KDM4C: variants seen among roughly 807,000 people sequenced by gnomAD.
KDM4C encodes lysine-specific demethylase 4C.
Under a neutral mutation model 129.3 loss-of-function variants are expected in KDM4C, and 81 were observed. The observed-to-expected ratio is 0.63, with a 90% confidence interval of 0.52 to 0.75. KDM4C has a LOEUF of 0.75. KDM4C is among the 30% of genes least tolerant of loss of function. The pLI, the probability that KDM4C is intolerant of heterozygous loss-of-function variation, is 0.00. For synonymous variants in KDM4C, 573 were observed against 456.1 expected (o/e 1.26, Z -3.26); for missense variants, 1,457 against 1,304.0 (o/e 1.12, Z -1.81).
intron 19 of KDM4C, among the ~76,000 whole-genome samples, chr9:7,151,551 T>G (rs1043553405): frequency 9.2e-5 from 14 of 152,176 alleles, no homozygotes; most frequent in African/African-American, 3.4e-4. Context: ...GGCACGCACC[T>G]GTATTCTCAG....
intron 12 of KDM4C, among the ~76,000 whole-genome samples, chr9:6,994,648 G>A (rs1819371587): frequency 6.6e-6 from 1 of 152,140 alleles, no homozygotes; most frequent in Non-Finnish European, 1.5e-5. Flanking sequence ...AAGGCAATCA[G>A]TAATACTTGA....
At chr9:6,906,675 C>G (rs1818381701) in intron 8 of KDM4C, among the ~76,000 whole-genome samples, 1 of 152,170 alleles carries the variant, frequency 6.6e-6, no homozygotes, top group African/African-American at 2.4e-5. Flanking sequence ...CTCCTGGGCT[C>G]AAGTGATCCT....
intron 8 of KDM4C, among the ~76,000 whole-genome samples, chr9:6,969,010 C>G (rs1402315470): frequency 1.3e-5 from 2 of 152,128 alleles, no homozygotes; most frequent in East Asian, 3.9e-4. Context: ...GATATTGGCT[C>G]ACTGCAACCT....
intron 5 of KDM4C, among the ~76,000 whole-genome samples, chr9:6,858,378 A>G (rs1254715334): frequency 1.3e-5 from 2 of 152,096 alleles, no homozygotes; most frequent in East Asian, 1.9e-4. Context: ...CACCTACAAC[A>G]TTGACATCCC....
chr9:7,138,680 A>C (rs1222230142), intron 19 of KDM4C, among the ~76,000 whole-genome samples: 1 of 152,068 alleles, frequency 6.6e-6, no homozygotes, highest in East Asian at 1.9e-4. Context: ...TTAGCCAGGC[A>C]TGGTGACGTG....
intron 19 of KDM4C, among the ~76,000 whole-genome samples, chr9:7,153,494 T>C (rs966858950): frequency 6.6e-6 from 1 of 152,200 alleles, no homozygotes; most frequent in African/African-American, 2.4e-5. Context: ...CTGCCGGTCA[T>C]CTAGGACCAA....
At chr9:6,730,973 G>A (rs550036604) in intron 1 of KDM4C, among the ~76,000 whole-genome samples, 1 of 152,244 alleles carries the variant, frequency 6.6e-6, no homozygotes, top group Admixed American at 6.5e-5. Context: ...TTGACCAAAA[G>A]GACTCAAATA....
At chr9:6,791,123 T>C (rs186325976) in intron 1 of KDM4C, among the ~76,000 whole-genome samples, 1 of 152,122 alleles carries the variant, frequency 6.6e-6, no homozygotes, top group East Asian at 1.9e-4. Flanking sequence ...CAGGTGGAGT[T>C]AGTTACTTCT....
intron 12 of KDM4C, among the ~76,000 whole-genome samples, chr9:6,996,769 A>G (rs1363143878): frequency 6.6e-6 from 1 of 152,244 alleles, no homozygotes; most frequent in Non-Finnish European, 1.5e-5. Flanking sequence ...GGAAATTTAT[A>G]AGAAAATTGC....
At chr9:6,952,607 A>G (rs1438320786) in intron 8 of KDM4C, among the ~76,000 whole-genome samples, 1 of 151,694 alleles carries the variant, frequency 6.6e-6, no homozygotes, top group East Asian at 1.9e-4. Flanking sequence ...CGCCTGGCTG[A>G]TTTTTGTGTT....
intron 12 of KDM4C, among the ~76,000 whole-genome samples, chr9:6,996,556 T>A (rs1300907819): frequency 2.0e-5 from 3 of 152,228 alleles, no homozygotes; most frequent in Admixed American, 6.5e-5. Flanking sequence ...TCCCCTTGGT[T>A]AAGAGATGAG....
intron 1 of KDM4C, among the ~76,000 whole-genome samples, chr9:6,751,538 A>G (rs1037061435): frequency 6.6e-6 from 1 of 152,180 alleles, no homozygotes; most frequent in African/African-American, 2.4e-5. Flanking sequence ...TCACATTGCA[A>G]AGGATCATGG....
intron 19 of KDM4C, among the ~76,000 whole-genome samples, chr9:7,154,114 G>C (rs1219556153): frequency 6.6e-6 from 1 of 152,208 alleles, no homozygotes; most frequent in Non-Finnish European, 1.5e-5. Flanking sequence ...TTCAGTGACT[G>C]TGATGTCAGG....
chr9:7,093,050 G>A (rs994148389), intron 17 of KDM4C, among the ~76,000 whole-genome samples: 1 of 151,990 alleles, frequency 6.6e-6, no homozygotes, highest in African/African-American at 2.4e-5. Context: ...TTAATTGCTG[G>A]GCTTGTCCAA....
intron 17 of KDM4C, among the ~76,000 whole-genome samples, chr9:7,060,451 G>GTTA (rs1164003659): frequency 0.077 from 10,656 of 137,794 alleles, 468 homozygotes; most frequent in Middle Eastern, 0.15. Flanking sequence ...TAGCAGTATT[G>GTTA]TTGTTATTAT....
chr9:7,065,429 C>G (rs1225544639), intron 17 of KDM4C, among the ~76,000 whole-genome samples: 1 of 151,954 alleles, frequency 6.6e-6, no homozygotes, highest in African/African-American at 2.4e-5. Flanking sequence ...CTAGAGCCAT[C>G]TGTTGCTTAT....
At chr9:6,927,635 CG>C (rs1822881621) in intron 8 of KDM4C, among the ~76,000 whole-genome samples, 1 of 152,172 alleles carries the variant, frequency 6.6e-6, no homozygotes, top group Non-Finnish European at 1.5e-5. Flanking sequence ...AGGGACCACA[CG>C]AAACTGCTGG....
intron 8 of KDM4C, among the ~76,000 whole-genome samples, chr9:6,980,694 C>T (rs1393064676): frequency 6.6e-6 from 1 of 152,096 alleles, no homozygotes; most frequent in African/African-American, 2.4e-5. Flanking sequence ...GTACATAGTT[C>T]CCTGTGAGGT....
At chr9:7,046,260 C>G (rs984256322) in intron 15 of KDM4C, among the ~76,000 whole-genome samples, 2 of 151,862 alleles carry the variant, frequency 1.3e-5, no homozygotes, top group African/African-American at 4.8e-5. Context: ...AAGGATAAAG[C>G]AAAACGTTTC....
Sources: gnomAD v4.1 joint callset for allele counts (sites outside exome capture counted in the v4.1 genomes callset) on GRCh38, gnomAD v4.1.1 for gene constraint, MANE v1.5 for transcripts, NCBI Gene and HGNC (gene_info 2026-07-23, HGNC 2026-07-21) for gene names.